The following CFAP251 variants were observed in gnomAD, a reference collection of about 807,000 sequenced individuals.
CFAP251 encodes cilia and flagella associated protein 251, also known as cilia- and flagella-associated protein 251.
In CFAP251, 93 loss-of-function variants were observed where a neutral mutation model predicts 126.7. The ratio of observed to expected loss-of-function variants is 0.73; its 90% confidence interval spans 0.62 to 0.87. The LOEUF is 0.87. Ranked by LOEUF, CFAP251 falls within the 40% of genes least tolerant of loss-of-function variation. The pLI, the probability that CFAP251 is intolerant of heterozygous loss-of-function variation, is 0.00. For synonymous variants in CFAP251, 503 were observed against 506.9 expected (o/e 0.99, Z 0.10); for missense variants, 1,287 against 1,389.2 (o/e 0.93, Z 1.17).
chr12:121,998,889 C>CAAAAAAAAAAAAAA (rs60289920), intron 19 of CFAP251: 2 of 30,600 alleles, frequency 6.5e-5, no homozygotes, highest in African/African-American at 2.0e-4. Context: ...GACCCTGTAT[C>CAAAAAAAAAAAAAA]AAAAAAAAAA....
intron 9 of CFAP251, chr12:121,953,273 C>T (rs1881597417): frequency 6.6e-6 from 1 of 152,110 alleles, no homozygotes; most frequent in African/African-American, 2.4e-5. Flanking sequence ...CAACATGGCA[C>T]TAAATAGACC....
rs1475900889 is a variant in CFAP251 at position 121,942,620 on chromosome 12, C to A, written c.1085C>A (p.Ala362Glu). Residue 362 changes from alanine (A) to glutamate (E), a missense_variant, in exon 6 of 22, where the codon GCA becomes GAA. Physicochemically the swap from Ala to Glu is moderately radical, Grantham distance 107. Coordinates refer to ENST00000288912, the MANE Select transcript of CFAP251 (RefSeq NM_144668.6). ...MAMTHDAKYL[A>E]TISDAEVQKV... Reference sequence around the variant, plus strand: ...ATGACCCACGACGCCAAGTATCTGGCAACCATCTCAGATGCTGAAGTCCAG... The same window carrying A: ...ATGACCCACGACGCCAAGTATCTGGAAACCATCTCAGATGCTGAAGTCCAG... 1 of 1,613,014 alleles carries A rather than the reference C, an allele frequency of 6.2e-7. No individual in the cohort carries two copies. The highest frequency in any genetic ancestry group is 1.3e-5 in the African/African-American group (1 of 75,066).
chr12:121,956,303 A>G (rs1186205791), intron 10 of CFAP251, among the ~76,000 whole-genome samples: 1 of 152,134 alleles, frequency 6.6e-6, no homozygotes, highest in African/African-American at 2.4e-5. Context: ...TGGGGAGTGT[A>G]AATCCTTGTC....
At chr12:122,003,469 A>T (rs904258239) in intron 21 of CFAP251, among the ~76,000 whole-genome samples, 183 bp from the exon 22 acceptor site, 11 of 152,202 alleles carry the variant, frequency 7.2e-5, no homozygotes, top group African/African-American at 2.6e-4. Flanking sequence ...GCTACTTGGG[A>T]GGCTGAGGTG....
chr12:121,963,172 C>T (rs1324521654), intron 15 of CFAP251, among the ~76,000 whole-genome samples: 2 of 152,050 alleles, frequency 1.3e-5, no homozygotes, highest in Non-Finnish European at 2.9e-5. Flanking sequence ...GAGCTGATGG[C>T]GGCTTGGCCC....
chr12:121,998,817 G>C (rs1418496615), intron 19 of CFAP251: 1 of 144,548 alleles, frequency 6.9e-6, no homozygotes, highest in Non-Finnish European at 1.5e-5. Flanking sequence ...CTGAACCTGA[G>C]AGGTCAAGGC....
At chr12:121,930,916 T>G (rs571335428) in intron 3 of CFAP251, among the ~76,000 whole-genome samples, 1 of 151,866 alleles carries the variant, frequency 6.6e-6, no homozygotes, top group African/African-American at 2.4e-5. Flanking sequence ...GCCTGGCTAA[T>G]TTTTGTGTTT....
Position 121,979,846 on chromosome 12 carries a change from G to A in CFAP251, c.3006+4161G>A, listed in dbSNP as rs563559263. ...CTCTCAAAGTGCTGGGATTACAGGC[G>A]TGAGCCACCGTGCCCGGCCTCAGCC... On this transcript the variant is annotated intron_variant, in intron 19 of 21. Transcript: ENST00000288912. 8.5e-5 allele frequency among the ~76,000 whole-genome samples: 13 copies of A among 152,224 alleles called. No homozygotes were observed. In the East Asian group the frequency reaches 1.5e-3, roughly 18 times the overall value.
intron 15 of CFAP251, among the ~76,000 whole-genome samples, chr12:121,966,524 C>T (rs1882146481): frequency 7.1e-6 from 1 of 139,984 alleles, no homozygotes; most frequent in Non-Finnish European, 1.5e-5. Context: ...CCACCTGCCT[C>T]GGCCTCCCAA....
At position 121,938,834 on chromosome 12, in the gene CFAP251, C is replaced by T. The variant is rs76362629; in HGVS notation, c.999-3700C>T. ...CCCGTCTCTACAAAAATACAAAATA[C>T]AAAAAATTAGTCGGGCATAATGGTG... On this transcript the variant is annotated intron_variant, in intron 5 of 21. Coordinates refer to ENST00000288912, the MANE Select transcript of CFAP251 (RefSeq NM_144668.6). Among the ~76,000 whole-genome samples, 191 of 151,218 alleles carry T rather than the reference C, an allele frequency of 1.3e-3. 5 individuals carry two copies. The East Asian group carries it at 0.036, about 28-fold the overall frequency.
chr12:121,968,788 C>T (rs752403949), intron 17 of CFAP251: 19 of 551,906 alleles, frequency 3.4e-5, no homozygotes, highest in Non-Finnish European at 4.4e-5. Flanking sequence ...CTGTAGGATC[C>T]CTGTAAAGAT....
At chr12:121,983,581 A>G (rs1882678020) in intron 19 of CFAP251, among the ~76,000 whole-genome samples, 1 of 152,318 alleles carries the variant, frequency 6.6e-6, no homozygotes, top group East Asian at 1.9e-4. Context: ...ACAATTACTT[A>G]AAAACATAAA....
intron 9 of CFAP251, chr12:121,953,728 T>C (rs1881613686): frequency 5.3e-6 from 1 of 189,554 alleles, no homozygotes; most frequent in Admixed American, 5.4e-5. Flanking sequence ...AAATACCTTA[T>C]GATAAAAGGA....
In CFAP251 at chr12:121,991,077, A is replaced by C. The variant is rs146921083; in HGVS notation, c.3007-8639A>C. 2.2e-3 allele frequency among the ~76,000 whole-genome samples: 337 copies of C among 152,370 alleles called. 1 individual carries two copies. The highest frequency in any genetic ancestry group is 3.8e-3 in the Non-Finnish European group (259 of 68,030). On this transcript the variant is annotated intron_variant, in intron 19 of 21. Transcript: ENST00000288912. ...TAAATCGAGTAAAATTAACTAGGGC[A>C]CTAAATGATTATTCTAAGCTTCTTG...
intron 19 of CFAP251, among the ~76,000 whole-genome samples, chr12:121,977,984 TAAAAA>T (rs913984316): frequency 6.6e-6 from 1 of 150,448 alleles, no homozygotes; most frequent in African/African-American, 2.4e-5. Context: ...AATAAATAAA[TAAAAA>T]TAAAATAAAA....
chr12:121,972,126 A>C (rs879634505), intron 17 of CFAP251: 2 of 168,104 alleles, frequency 1.2e-5, no homozygotes, highest in Admixed American at 1.2e-4. Flanking sequence ...AATATAGTAC[A>C]TTGGTACCAG....
Position 121,918,963 on chromosome 12 carries a change from A to G in CFAP251, c.-21+268A>G, listed in dbSNP as rs928647295. Among the ~76,000 whole-genome samples, 15 of 152,224 alleles carry G rather than the reference A, an allele frequency of 9.9e-5. No individual in the cohort carries two copies. Among genetic ancestry groups the G allele is most frequent in the African/African-American group, 3.4e-4 (14 of 41,534 alleles). ...CGCGCCGGCGAAGTTGGGCTCAGTC[A>G]AAAGAGGCTCGGTGGTGAGAGCCCT... On this transcript the variant is annotated intron_variant, in intron 1 of 21. Transcript: ENST00000288912. The surrounding 1 kb of genome is among the most constrained non-coding windows in gnomAD (Gnocchi z 4.3).
intron 15 of CFAP251, among the ~76,000 whole-genome samples, chr12:121,964,015 G>C (rs1484910827): frequency 6.6e-6 from 1 of 152,058 alleles, no homozygotes; most frequent in African/African-American, 2.4e-5. Flanking sequence ...CACCACCACT[G>C]CCACTGCCAC....
chr12:121,953,652 G>T (rs2135776983), intron 9 of CFAP251: 1 of 157,394 alleles, frequency 6.4e-6, no homozygotes, highest in East Asian at 1.9e-4. Context: ...TATTATTAGA[G>T]AATCGGGCAG....
Sources: gnomAD v4.1 joint callset for allele counts (sites outside exome capture counted in the v4.1 genomes callset) on GRCh38, gnomAD v4.1.1 for gene constraint, Gnocchi (gnomAD v3.1) non-coding constraint, MANE v1.5 for transcripts, NCBI Gene and HGNC (gene_info 2026-07-23, HGNC 2026-07-21) for gene names.